Variants in TP73 observed in about 807,000 individuals in gnomAD.
The protein encoded by TP73 is tumor protein p73.
A neutral mutation model predicts 62.5 loss-of-function variants in TP73; 25 were observed. That is an observed-to-expected ratio of 0.40 (90% confidence interval 0.29 to 0.56). The LOEUF (loss-of-function observed/expected upper bound fraction) is 0.56, where lower values mean the gene tolerates loss of function less well. Ranked by LOEUF, TP73 falls within the 20% of genes least tolerant of loss-of-function variation. The probability of loss-of-function intolerance (pLI) is 0.46; values close to 1 mark genes in which losing one functional copy is unlikely to be tolerated. For missense variants in TP73, 754 were observed against 913.3 expected (o/e 0.83, Z 2.25); for synonymous variants, 423 against 377.5 (o/e 1.12, Z -1.40).
At chr1:3,690,854 C>T (rs1006378158) in intron 3 of TP73, 17 of 1,554,068 alleles carry the variant, frequency 1.1e-5, no homozygotes, top group Admixed American at 5.8e-5. Flanking sequence ...ATCCATGCCT[C>T]GTCCCACGGG....
rs1042289303 is a variant in TP73 at position 3,690,712 on chromosome 1, C to G, written c.186+7532C>G. ...ACAGAACTAAGGGAGATGGGAAAAG[C>G]GAAAATGCCAACAAACGGCCCGCAT... On this transcript the variant is annotated intron_variant, in intron 3 of 13. Coordinates refer to ENST00000378295, the MANE Select transcript of TP73 (RefSeq NM_005427.4). 8.4e-6 allele frequency: 12 copies of G among 1,429,306 alleles called. No individual in the cohort carries two copies. The African/African-American group carries it at 1.7e-4, about 21-fold the overall frequency. 88.5% of individuals were successfully genotyped at this position (1,429,306 alleles called of 1,614,324 possible). A position where few individuals can be genotyped will look rare whatever the true frequency, so the allele number is the denominator to read the frequency against.
intron 4 of TP73, among the ~76,000 whole-genome samples, chr1:3,716,915 T>C (rs1475000227): frequency 6.6e-6 from 1 of 152,076 alleles, no homozygotes; most frequent in Non-Finnish European, 1.5e-5. Context: ...AAGAGGCCCG[T>C]AACCCCAGAG....
Position 3,663,695 on chromosome 1 carries a change from CAAAAA to C in TP73, c.-34+11065_-34+11069del, listed in dbSNP as rs36060423. 1.5e-4 allele frequency among the ~76,000 whole-genome samples: 20 copies of C among 131,160 alleles called. No homozygotes were observed. Among genetic ancestry groups the C allele is most frequent in the African/African-American group, 4.7e-4 (17 of 36,342 alleles). The allele number at this position is 131,160 out of a possible 152,430, so 86.0% of individuals were successfully genotyped here. A position where few individuals can be genotyped will look rare whatever the true frequency, so the allele number is the denominator to read the frequency against. ...CGTGCAACAATGCGAGACTCCATCT[CAAAAA>C]AAAAAAAAAAGAAAGAAAGAAAGGA... On this transcript the variant is annotated intron_variant, in intron 1 of 13. Transcript: ENST00000378295. The surrounding 1 kb of genome is among the most constrained non-coding windows in gnomAD (Gnocchi z 4.7).
At chr1:3,726,622 G>A (rs556420295) in intron 6 of TP73, among the ~76,000 whole-genome samples, 21 of 145,926 alleles carry the variant, frequency 1.4e-4, no homozygotes, top group African/African-American at 4.6e-4. Flanking sequence ...ATGGATAGAC[G>A]GGTGGGTGGA....
At chr1:3,671,527 A>C (rs913490058) in intron 1 of TP73, among the ~76,000 whole-genome samples, 1 of 152,158 alleles carries the variant, frequency 6.6e-6, no homozygotes, top group Admixed American at 6.5e-5. Context: ...CAAAGGCTGG[A>C]TCGTTGTCTG....
chr1:3,716,683 A>AG (rs1394660033), intron 4 of TP73, among the ~76,000 whole-genome samples: 20 of 152,270 alleles, frequency 1.3e-4, no homozygotes, highest in African/African-American at 4.8e-4. Context: ...GCTGTCACCA[A>AG]GGGGGCCCTG....
rs1346223631 is a variant in TP73, at chr1:3,733,172, G to A, written c.*93G>A. ...GTGTCCAAAACTGCCTCAGGAGGCA[G>A]GACCTTCGGGCTGTGCCCGGGGAAA... On this transcript the variant is annotated 3_prime_UTR_variant, in exon 14 of 14. Transcript: ENST00000378295. 1 of 1,371,824 alleles carries A rather than the reference G, an allele frequency of 7.3e-7. No homozygotes were observed. The highest frequency in any genetic ancestry group is 2.5e-5 in the East Asian group (1 of 39,622). The allele number at this position is 1,371,824 out of a possible 1,614,324, so 85.0% of individuals were successfully genotyped here. A position where few individuals can be genotyped will look rare whatever the true frequency, so the allele number is the denominator to read the frequency against.
rs1249160969 is a variant in TP73, at chr1:3,729,422, G to A, written c.1170G>A (p.Arg390=). 4 of 1,612,344 alleles carry A rather than the reference G, an allele frequency of 2.5e-6. No homozygotes were observed. The highest frequency in any genetic ancestry group is 2.2e-5 in the South Asian group (2 of 91,068). Residue 390 remains arginine, a synonymous_variant, in exon 10 of 14, where the codon CGG becomes CGA. Transcript: ENST00000378295. ...CGCAGCCACTGGTGGACTCCTATCG[G>A]CAGCAGCAGCAGCTCCTACAGAGGC... ...LVPQPLVDSY[R]QQQQLLQRPS... is the part of the protein sequence containing the mutation.
chr1:3,731,866 G>A (rs1642163739), intron 13 of TP73, among the ~76,000 whole-genome samples: 1 of 152,216 alleles, frequency 6.6e-6, no homozygotes, highest in South Asian at 2.1e-4. Context: ...AAGAACAGAA[G>A]AATGTAAGGC....
chr1:3,711,563 T>C (rs1640143158), intron 4 of TP73, among the ~76,000 whole-genome samples: 1 of 152,104 alleles, frequency 6.6e-6, no homozygotes, highest in Non-Finnish European at 1.5e-5. Context: ...CTGTCCTTGG[T>C]GTTTGGGAAG....
chr1:3,730,838 G>A (rs1162632280), intron 11 of TP73, 89 bp from the exon 12 acceptor site: 1 of 1,453,578 alleles, frequency 6.9e-7, no homozygotes, highest in Non-Finnish European at 9.2e-7. Context: ...ATGGCTCCCT[G>A]GTGTCCAGAG....
At position 3,670,233 on chromosome 1, in the gene TP73, C is replaced by G. The variant is rs1355584823; in HGVS notation, c.-33-12100C>G. On this transcript the variant is annotated intron_variant, in intron 1 of 13. Coordinates refer to ENST00000378295, the MANE Select transcript of TP73 (RefSeq NM_005427.4). The surrounding 1 kb of genome is among the most constrained non-coding windows in gnomAD (Gnocchi z 5.9). ...GGGGACCACATGGGCACAGGTAAGG[C>G]AGGGATGATGATGGGGCCGGGGGAC... 6.6e-6 allele frequency among the ~76,000 whole-genome samples: 1 copy of G among 151,952 alleles called. No homozygotes were observed. Among genetic ancestry groups the G allele is most frequent in the Admixed American group, 6.6e-5 (1 of 15,252 alleles).
At chr1:3,728,015 C>T in intron 8 of TP73, 114 bp from the exon 9 acceptor site, 3 of 1,262,282 alleles carry the variant, frequency 2.4e-6, no homozygotes, top group Non-Finnish European at 2.2e-6. Context: ...CACCACCGGA[C>T]CCACCTGGAG....
At chr1:3,682,185 G>A in intron 1 of TP73, 148 bp from the exon 2 acceptor site, 1 of 511,696 alleles carries the variant, frequency 2.0e-6, no homozygotes, top group Admixed American at 3.9e-5. Flanking sequence ...AATGACAGTG[G>A]AGAGGGCACA....
chr1:3,682,968 T>C, intron 2 of TP73, 92 bp from the exon 3 acceptor site: 1 of 1,488,056 alleles, frequency 6.7e-7, no homozygotes, highest in South Asian at 1.3e-5. Context: ...TCACCAGGAG[T>C]CTCAGGCTAG....
At chr1:3,688,498 G>A (rs868263764) in intron 3 of TP73, among the ~76,000 whole-genome samples, 38 of 152,202 alleles carry the variant, frequency 2.5e-4, no homozygotes, top group African/African-American at 8.9e-4. Context: ...CTGTCCTGCG[G>A]CCCAGGGTCC....
intron 2 of TP73, 56 bp downstream of exon 2, chr1:3,682,486 A>G: frequency 7.2e-7 from 1 of 1,394,856 alleles, no homozygotes. Context: ...ACTCTGGGCT[A>G]GCCTCAGCCA....
At chr1:3,725,233 G>A (rs765846085) in intron 6 of TP73, among the ~76,000 whole-genome samples, 1 of 152,100 alleles carries the variant, frequency 6.6e-6, no homozygotes, top group Non-Finnish European at 1.5e-5. Context: ...TGTGTCAGGG[G>A]AGAAGGTTGG....
chr1:3,712,300 G>T (rs770567877), intron 4 of TP73: 1 of 152,252 alleles, frequency 6.6e-6, no homozygotes, highest in Non-Finnish European at 1.5e-5. Flanking sequence ...ATCATGTGGC[G>T]CAGGGATCTG....
Sources: allele counts gnomAD v4.1 joint callset (sites outside exome capture counted in the v4.1 genomes callset), GRCh38; gene constraint gnomAD v4.1.1; non-coding constraint Gnocchi (gnomAD v3.1); transcripts MANE v1.5; gene names NCBI Gene and HGNC (gene_info 2026-07-23, HGNC 2026-07-21).